The following ATP6AP2 variants were observed in gnomAD, a reference collection of about 807,000 sequenced individuals.
The protein encoded by ATP6AP2 is renin receptor.
A neutral mutation model predicts 23.4 loss-of-function variants in ATP6AP2; 1 was observed. The ratio of observed to expected loss-of-function variants is 0.04; its 90% confidence interval spans 0.02 to 0.20. ATP6AP2 has a LOEUF of 0.20. Among genes scored for constraint, ATP6AP2 ranks in the 10% least tolerant of loss-of-function variants. The probability of loss-of-function intolerance (pLI) is 1.00; values close to 1 mark genes in which losing one functional copy is unlikely to be tolerated. For synonymous variants in ATP6AP2, 90 were observed against 97.1 expected (o/e 0.93, Z 0.43); for missense variants, 174 against 271.3 (o/e 0.64, Z 2.52).
rs1317858335 is a variant in ATP6AP2 at position 40,581,034 on chromosome X, T to C, written c.-32T>C. ...CCGTGTCCCGCCGGCCCGTTCCGTG[T>C]CGCCCCGCAGTGCTGCGGCCGCCGC... On this transcript the variant is annotated 5_prime_UTR_variant, in exon 1 of 9. Coordinates refer to ENST00000636580, the MANE Select transcript of ATP6AP2 (RefSeq NM_005765.3). 15 of 1,164,018 alleles carry C rather than the reference T, an allele frequency of 1.3e-5. No homozygotes were observed. Among genetic ancestry groups the C allele is most frequent in the Non-Finnish European group, 1.7e-5 (15 of 871,673 alleles).
chrX:40,581,143 C>T (rs1160313536), intron 1 of ATP6AP2, 41 bp downstream of exon 1: 2 of 1,115,223 alleles, frequency 1.8e-6, no homozygotes, highest in South Asian at 2.1e-5. Flanking sequence ...TGGGGAGGTC[C>T]TGCGCCGCGG....
At chrX:40,595,365 G>A (rs951586042) in intron 3 of ATP6AP2, among the ~76,000 whole-genome samples, 35 of 112,059 alleles carry the variant, frequency 3.1e-4, no homozygotes, top group African/African-American at 1.1e-3. Context: ...TTAGCTAGCT[G>A]TTTTAGTTAG....
intron 1 of ATP6AP2, among the ~76,000 whole-genome samples, chrX:40,582,645 C>G (rs1466840126): frequency 1.8e-5 from 2 of 111,902 alleles, no homozygotes; most frequent in Non-Finnish European, 3.8e-5. Context: ...GTTTCTGGCT[C>G]TGGAAAGGTC....
intron 3 of ATP6AP2, 164 bp downstream of exon 3, chrX:40,591,529 A>T (rs1926628736): frequency 1.8e-5 from 11 of 601,521 alleles, no homozygotes; most frequent in Non-Finnish European, 2.3e-5. Flanking sequence ...AAATTACATG[A>T]TGATTGTAAT....
intron 3 of ATP6AP2, among the ~76,000 whole-genome samples, chrX:40,593,064 A>G (rs1261168425): frequency 8.9e-6 from 1 of 111,914 alleles, no homozygotes; most frequent in African/African-American, 3.2e-5. Context: ...CCTGGCCAAC[A>G]TGGCTAAACC....
chrX:40,604,957 G>C (rs1927033033), intron 8 of ATP6AP2, among the ~76,000 whole-genome samples: 1 of 92,885 alleles, frequency 1.1e-5, no homozygotes, highest in South Asian at 4.9e-4. Context: ...TTTTGAGACG[G>C]AGTTTTGCTC....
At position 40,591,374 on chromosome X, in the gene ATP6AP2, T is replaced by A. The variant is rs1474013403; in HGVS notation, c.300+9T>A. 2.5e-6 allele frequency: 3 copies of A among 1,206,995 alleles called. No homozygotes were observed. Among genetic ancestry groups the A allele is most frequent in the Non-Finnish European group, 3.4e-6 (3 of 893,049 alleles). On this transcript the variant is annotated intron_variant, in intron 3 of 8. Transcript: ENST00000636580. ...CGTACCCTTTGGAGAATGTGAGTAT[T>A]TATTATAAAAAATTAAAGGGATGCA...
chrX:40,601,293 C>A (rs1176653448), intron 8 of ATP6AP2, among the ~76,000 whole-genome samples: 1 of 110,521 alleles, frequency 9.0e-6, no homozygotes, highest in Non-Finnish European at 1.9e-5. Flanking sequence ...CATAGCAAGA[C>A]CCTGTTTTGA....
chrX:40,600,525 T>C, intron 7 of ATP6AP2: 2 of 270,500 alleles, frequency 7.4e-6, no homozygotes, highest in Non-Finnish European at 1.3e-5. Context: ...TTCTTGTAGC[T>C]GCACAAAAGC....
At chrX:40,590,489 C>T (rs1310539195) in intron 2 of ATP6AP2, 1 of 111,819 alleles carries the variant, frequency 8.9e-6, no homozygotes, top group Non-Finnish European at 1.9e-5. Context: ...AGAGATTCTC[C>T]CACCTCAGCC....
rs777445408 is a variant in ATP6AP2 at position 40,599,725 on chromosome X, T to C, written c.722T>C (p.Val241Ala). 2 of 1,209,530 alleles carry C rather than the reference T, an allele frequency of 1.7e-6. No individual in the cohort carries two copies. Among genetic ancestry groups the C allele is most frequent in the Non-Finnish European group, 2.2e-6 (2 of 895,125 alleles). Residue 241 changes from valine to alanine, a missense_variant, in exon 7 of 9, where the codon GTT becomes GCT. Val to Ala is a moderately conservative substitution (Grantham distance 64). Coordinates refer to ENST00000636580, the MANE Select transcript of ATP6AP2 (RefSeq NM_005765.3). ...TTCAGAGATGCTTCTAAGATCCTTG[T>C]TGACGCTCTGCAAAAGGTAAATATC... Reference protein sequence around the residue: ...EQFRDASKILVDALQKFADDM... With the variant: ...EQFRDASKILADALQKFADDM...
chrX:40,605,265 A>G (rs1927042526), intron 8 of ATP6AP2: 3 of 290,484 alleles, frequency 1.0e-5, no homozygotes, highest in Non-Finnish European at 1.2e-5. Flanking sequence ...CTCTTGGTAC[A>G]CATATAGAAA....
At chrX:40,582,539 A>G (rs899213736) in intron 1 of ATP6AP2, among the ~76,000 whole-genome samples, 1 of 111,799 alleles carries the variant, frequency 8.9e-6, no homozygotes, top group Non-Finnish European at 1.9e-5. Flanking sequence ...AAATCTGCAG[A>G]TCTCTGTCCC....
intron 3 of ATP6AP2, among the ~76,000 whole-genome samples, chrX:40,593,231 A>G (rs1013723271): frequency 1.6e-4 from 18 of 109,327 alleles, no homozygotes; most frequent in African/African-American, 6.0e-4. Flanking sequence ...TGGGTGACAG[A>G]GCGAGACTCC....
At chrX:40,598,587 A>G in intron 5 of ATP6AP2, 94 bp from the exon 6 acceptor site, 1 of 828,473 alleles carries the variant, frequency 1.2e-6, no homozygotes, top group Non-Finnish European at 1.8e-6. Flanking sequence ...TATGATCAAC[A>G]TTTGTAATAT....
chrX:40,584,292 G>C, intron 1 of ATP6AP2, among the ~76,000 whole-genome samples: 1 of 109,282 alleles, frequency 9.2e-6, no homozygotes, highest in Middle Eastern at 4.9e-3. Flanking sequence ...TTGGGCTCAA[G>C]TGATCCTCCT....
In ATP6AP2 at chrX:40,588,880, ACG is replaced by A. The variant is rs1926548497; in HGVS notation, c.38-104_38-103del. 6 of 898,977 alleles carry A rather than the reference ACG, an allele frequency of 6.7e-6. No individual in the cohort carries two copies. The African/African-American group carries it at 9.9e-5, about 15-fold the overall frequency. The allele number at this position is 898,977 out of a possible 1,213,427, so 74.1% of individuals were successfully genotyped here. A position where few individuals can be genotyped will look rare whatever the true frequency, so the allele number is the denominator to read the frequency against. The stretch of plus-strand genomic sequence containing the variant: ...GCATTTTGACCAGTCATAATTTAAT[ACG>A]CTAAGTCAGTGGTGAATGGGGAAAC... On this transcript the variant is annotated intron_variant, in intron 1 of 8. Coordinates refer to ENST00000636580, the MANE Select transcript of ATP6AP2 (RefSeq NM_005765.3).
At chrX:40,595,461 T>C (rs1225627384) in intron 3 of ATP6AP2, among the ~76,000 whole-genome samples, 2 of 112,680 alleles carry the variant, frequency 1.8e-5, no homozygotes, top group African/African-American at 6.4e-5. Context: ...TCATTCGATA[T>C]TAAGCAGCCA....
chrX:40,591,755 C>T lies in ATP6AP2; in HGVS notation c.300+390C>T, dbSNP rs976092174. The T allele has an allele frequency of 1.5e-5, 3 of 206,710 alleles. No homozygotes were observed. In the South Asian group the frequency reaches 2.0e-4, roughly 14 times the overall value. The allele number at this position is 206,710 out of a possible 1,213,427, so 17.0% of individuals were successfully genotyped here. ...TCGTGTGTAAGGACACTGGAGGCTG[C>T]TTGCTGGCTCACTTACTCCTTCACT... On this transcript the variant is annotated intron_variant, in intron 3 of 8. Transcript: ENST00000636580.
Sources: allele counts gnomAD v4.1 joint callset (sites outside exome capture counted in the v4.1 genomes callset), GRCh38; gene constraint gnomAD v4.1.1; transcripts MANE v1.5; gene names NCBI Gene and HGNC (gene_info 2026-07-23, HGNC 2026-07-21).